Variants in TRAF3IP1 observed in about 807,000 individuals in gnomAD.
TRAF3IP1 encodes intraflagellar transport 54, also known as TRAF3-interacting protein 1.
In TRAF3IP1, 53 loss-of-function variants were observed where a neutral mutation model predicts 89.9. That is an observed-to-expected ratio of 0.59 (90% CI 0.47 to 0.74). TRAF3IP1 has a LOEUF of 0.74. TRAF3IP1 is among the 30% of genes least tolerant of loss of function. The pLI is 0.00. For missense variants in TRAF3IP1, 806 were observed against 866.1 expected (o/e 0.93, Z 0.87); for synonymous variants, 311 against 322.1 (o/e 0.97, Z 0.37).
chr2:238,383,458 G>A (rs572323001), intron 15 of TRAF3IP1, among the ~76,000 whole-genome samples: 1 of 152,278 alleles, frequency 6.6e-6, no homozygotes, highest in African/African-American at 2.4e-5. Context: ...CATCCAACAG[G>A]TGAATGCTCA....
At chr2:238,366,720 A>T (rs867461344) in intron 15 of TRAF3IP1, among the ~76,000 whole-genome samples, 9 of 150,952 alleles carry the variant, frequency 6.0e-5, no homozygotes, top group African/African-American at 1.2e-4. Flanking sequence ...TGCTTTGCAT[A>T]AAAAAAAATC....
At chr2:238,359,501 A>G (rs1699570391) in intron 15 of TRAF3IP1, among the ~76,000 whole-genome samples, 1 of 151,382 alleles carries the variant, frequency 6.6e-6, no homozygotes, top group Admixed American at 6.6e-5. Context: ...GGCCGTTTTT[A>G]CTCAGCATAA....
At chr2:238,386,140 A>C (rs1331695314) in intron 15 of TRAF3IP1, among the ~76,000 whole-genome samples, 1 of 152,112 alleles carries the variant, frequency 6.6e-6, no homozygotes, top group Non-Finnish European at 1.5e-5. Flanking sequence ...ACTCATTGGC[A>C]CTAGAAAAGT....
intron 15 of TRAF3IP1, among the ~76,000 whole-genome samples, chr2:238,396,300 G>T (rs948899055): frequency 1.4e-5 from 2 of 145,802 alleles, no homozygotes; most frequent in African/African-American, 5.1e-5. Flanking sequence ...AACACTGCAT[G>T]TTCTCACTCA....
At chr2:238,348,368 G>A (rs947065342) in intron 10 of TRAF3IP1, among the ~76,000 whole-genome samples, 2 of 152,138 alleles carry the variant, frequency 1.3e-5, no homozygotes, top group South Asian at 4.1e-4. Context: ...ACATGTGACT[G>A]TACCATAATT....
intron 8 of TRAF3IP1, among the ~76,000 whole-genome samples, chr2:238,340,690 TCTAA>T (rs368571874): frequency 1.0e-3 from 152 of 152,330 alleles, no homozygotes; most frequent in African/African-American, 2.3e-3. Context: ...TGCTTACTTC[TCTAA>T]CTGTTTCTAT....
chr2:238,320,780 A>G lies in TRAF3IP1; in HGVS notation c.118A>G (p.Thr40Ala). ...GTTCCGCTACCTGCACGACATCATC[A>G]CGGAGGTGGGCGCCGGGGACCGGGC... ...PPFRYLHDII[T>A]EVIRMTGFMK... The change falls in exon 1 of 17, where the codon ACG (threonine) becomes GCG (alanine). Residue 40 changes from threonine to alanine, a missense_variant. This residue lies in a region of TRAF3IP1 where 732 missense variants were observed against 780.5 expected (regional missense o/e 0.94). Coordinates refer to ENST00000373327, the MANE Select transcript of TRAF3IP1 (RefSeq NM_015650.4). 12 of 1,415,958 alleles carry G rather than the reference A, an allele frequency of 8.5e-6. No homozygotes were observed. The highest frequency in any genetic ancestry group is 8.4e-6 in the Non-Finnish European group (9 of 1,070,038). The allele number at this position is 1,415,958 out of a possible 1,614,324, so 87.7% of individuals were successfully genotyped here.
chr2:238,325,207 A>G, intron 1 of TRAF3IP1, 99 bp from the exon 2 acceptor site: 1 of 1,151,208 alleles, frequency 8.7e-7, no homozygotes, highest in East Asian at 2.3e-5. Context: ...CTGGGCTGCT[A>G]GTCAATTCTG....
chr2:238,375,079 A>G (rs1285261830), intron 15 of TRAF3IP1, among the ~76,000 whole-genome samples: 1 of 152,156 alleles, frequency 6.6e-6, no homozygotes, highest in African/African-American at 2.4e-5. Flanking sequence ...TCAAAAAACC[A>G]GCTCCTGGAT....
chr2:238,394,791 A>G lies in TRAF3IP1; in HGVS notation c.1690-2668A>G, dbSNP rs533717173. 5.9e-5 allele frequency among the ~76,000 whole-genome samples: 9 copies of G among 152,358 alleles called. No individual in the cohort carries two copies. The East Asian group carries it at 1.7e-3, about 29-fold the overall frequency. ...AATGGTGGAACTAGGATCTTCATAC[A>G]TAAATCATTTATCCACTTCATTAGT... On this transcript the variant is annotated intron_variant, in intron 15 of 16. Coordinates refer to ENST00000373327, the MANE Select transcript of TRAF3IP1 (RefSeq NM_015650.4).
chr2:238,389,850 T>G (rs111696456), intron 15 of TRAF3IP1, among the ~76,000 whole-genome samples: 9,784 of 152,080 alleles, frequency 0.064, 1,093 homozygotes, highest in African/African-American at 0.22. Context: ...TGTATTTATA[T>G]GACTTATAAT....
intron 15 of TRAF3IP1, among the ~76,000 whole-genome samples, chr2:238,377,235 T>TTC (rs1559387597): frequency 7.4e-6 from 1 of 134,488 alleles, no homozygotes; most frequent in African/African-American, 2.8e-5. Flanking sequence ...ATTTTCTTTT[T>TTC]TTTTTTTTTT....
intron 7 of TRAF3IP1, among the ~76,000 whole-genome samples, chr2:238,337,593 A>G (rs750830820): frequency 1.1e-4 from 16 of 152,256 alleles, no homozygotes; most frequent in African/African-American, 3.9e-4. Flanking sequence ...GGAGGGGGCC[A>G]TGGCATCTGG....
In TRAF3IP1 at chr2:238,379,283, G is replaced by A. The variant is rs1049184616; in HGVS notation, c.1690-18176G>A. ...CACCTAGCTGTGTGGGGCCTCAGCC[G>A]CACACTCACCATCTCTGACCCGGGC... On this transcript the variant is annotated intron_variant, in intron 15 of 16. Coordinates refer to ENST00000373327, the MANE Select transcript of TRAF3IP1 (RefSeq NM_015650.4). The surrounding 1 kb of genome is among the most constrained non-coding windows in gnomAD (Gnocchi z 4.0). Among the ~76,000 whole-genome samples the A allele has an allele frequency of 1.3e-5, 2 of 152,172 alleles. No homozygotes were observed. The highest frequency in any genetic ancestry group is 6.5e-5 in the Admixed American group (1 of 15,278).
intron 2 of TRAF3IP1, 146 bp downstream of exon 2, chr2:238,325,520 C>T (rs1226187356): frequency 1.3e-6 from 1 of 795,340 alleles, no homozygotes; most frequent in Non-Finnish European, 2.0e-6. Context: ...TATATATACC[C>T]TTTCTCATTT....
intron 15 of TRAF3IP1, among the ~76,000 whole-genome samples, chr2:238,361,773 T>G (rs1381741631): frequency 1.3e-5 from 2 of 151,972 alleles, no homozygotes; most frequent in Non-Finnish European, 2.9e-5. Flanking sequence ...GGGATCAGTT[T>G]GTGTGGTTCC....
At chr2:238,362,289 A>G (rs1699696624) in intron 15 of TRAF3IP1, among the ~76,000 whole-genome samples, 1 of 151,682 alleles carries the variant, frequency 6.6e-6, no homozygotes, top group South Asian at 2.1e-4. Flanking sequence ...TAGTGGTTAT[A>G]TTCCATTTTT....
At chr2:238,321,351 G>GAATGGA (rs1192466980) in intron 1 of TRAF3IP1, among the ~76,000 whole-genome samples, 2 of 152,238 alleles carry the variant, frequency 1.3e-5, no homozygotes, top group Non-Finnish European at 2.9e-5. Context: ...AATCCTGGGA[G>GAATGGA]AATGGAAATA....
chr2:238,326,883 G>C (rs1697861903), intron 3 of TRAF3IP1, among the ~76,000 whole-genome samples: 1 of 152,126 alleles, frequency 6.6e-6, no homozygotes, highest in African/African-American at 2.4e-5. Flanking sequence ...TTAGAGACTT[G>C]GAAGCAGATC....
Sources: allele counts gnomAD v4.1 joint callset (sites outside exome capture counted in the v4.1 genomes callset), GRCh38; gene constraint gnomAD v4.1.1; regional missense constraint gnomAD v4.1.1; non-coding constraint Gnocchi (gnomAD v3.1); transcripts MANE v1.5; gene names NCBI Gene and HGNC (gene_info 2026-07-23, HGNC 2026-07-21).